XYLT1: variants seen among roughly 807,000 people sequenced by gnomAD.
The protein encoded by XYLT1 is beta-D-xylosyltransferase 1.
Under a neutral mutation model 91.3 loss-of-function variants are expected in XYLT1, and 36 were observed. The ratio of observed to expected loss-of-function variants is 0.39; its 90% CI spans 0.30 to 0.52. XYLT1 has a LOEUF of 0.52. Ranked by LOEUF, XYLT1 falls within the 20% of genes least tolerant of loss-of-function variation. The pLI, the probability that XYLT1 is intolerant of heterozygous loss-of-function variation, is 0.68. For synonymous variants in XYLT1, 588 were observed against 532.0 expected, an observed-to-expected ratio of 1.11 and a Z score of -1.45; for missense variants, 1,242 against 1,284.5, an observed-to-expected ratio of 0.97 and a Z score of 0.51.
chr16:17,327,354 C>CTTCTTTT (rs2034821389), intron 2 of XYLT1, among the ~76,000 whole-genome samples: 1 of 134,656 alleles, frequency 7.4e-6, no homozygotes, highest in African/African-American at 2.7e-5. Context: ...CTTTTCTTTT[C>CTTCTTTT]TTTTTTCTTT....
chr16:17,462,288 C>A (rs2036834126), intron 1 of XYLT1, among the ~76,000 whole-genome samples: 2 of 152,074 alleles, frequency 1.3e-5, no homozygotes, highest in Admixed American at 6.5e-5. Context: ...CACCCTCGTC[C>A]ACACACACAA....
rs539253096 is a variant in XYLT1, at chr16:17,246,271, C to A, written c.913+12717G>T. 2.6e-5 allele frequency among the ~76,000 whole-genome samples: 4 copies of A among 152,306 alleles called. No homozygotes were observed. In the South Asian group the frequency reaches 8.3e-4, roughly 32 times the overall value. ...AGGATAGCCCTTGGCATTTAACAAT[C>A]CCTACGTAGAGGTTAAGTGTTATTA... On this transcript the variant is annotated intron_variant, in intron 3 of 11. Transcript: ENST00000261381.
Position 17,324,264 on chromosome 16 carries a change from A to G in XYLT1, c.402+33748T>C, listed in dbSNP as rs555959663. Among the ~76,000 whole-genome samples the G allele has an allele frequency of 3.3e-5, 5 of 152,370 alleles. No homozygotes were observed. In the East Asian group the frequency reaches 7.7e-4, roughly 23 times the overall value. On this transcript the variant is annotated intron_variant, in intron 2 of 11. Transcript: ENST00000261381. The stretch of plus-strand genomic sequence containing the variant: ...AAATGGTAACGCTAGAGACAGGCTC[A>G]CTGGGAGCAGCAAGAAGGGACAGAA...
At position 17,145,784 on chromosome 16, in the gene XYLT1, C is replaced by T. The variant is rs111661010; in HGVS notation, c.1371-4415G>A. ...TGTGGGGAGGTTCTTAGGCTCCAGA[C>T]AGGGCAGGTAGCCAGGGCTGTGGCA... is the stretch of plus-strand genomic sequence containing the variant. On this transcript the variant is annotated intron_variant, in intron 6 of 11. Transcript: ENST00000261381. 5.2e-3 allele frequency among the ~76,000 whole-genome samples: 789 copies of T among 152,340 alleles called. 7 individuals carry two copies. The highest frequency in any genetic ancestry group is 0.018 in the African/African-American group (732 of 41,578).
At chr16:17,260,198 G>A (rs983686442) in intron 2 of XYLT1, among the ~76,000 whole-genome samples, 2 of 152,130 alleles carry the variant, frequency 1.3e-5, no homozygotes, top group African/African-American at 2.4e-5. Flanking sequence ...CAAAGATCAG[G>A]AGTCATTCTG....
chr16:17,225,545 C>T (rs1196486602), intron 3 of XYLT1, among the ~76,000 whole-genome samples: 14 of 152,016 alleles, frequency 9.2e-5, no homozygotes, highest in Admixed American at 9.2e-4. Flanking sequence ...CAGAAACTTG[C>T]CACCTGCGAG....
chr16:17,424,798 G>A (rs955895707), intron 1 of XYLT1, among the ~76,000 whole-genome samples: 2 of 150,532 alleles, frequency 1.3e-5, no homozygotes, highest in Non-Finnish European at 2.9e-5. Context: ...AACCCGGGAG[G>A]CAGAGGTTGC....
intron 3 of XYLT1, chr16:17,250,822 A>C (rs1218564163): frequency 6.6e-6 from 1 of 152,288 alleles, no homozygotes; most frequent in Non-Finnish European, 1.5e-5. Flanking sequence ...CACTTAGCCA[A>C]GCTGTTCCTG....
At position 17,142,734 on chromosome 16, in the gene XYLT1, C is replaced by T. The variant is rs530967408; in HGVS notation, c.1371-1365G>A. On this transcript the variant is annotated intron_variant, in intron 6 of 11. Transcript: ENST00000261381. ...CTGGGGTTATAGGTGTAAGCCATTG[C>T]GCCTGGCCTAACTCCTGAAATTTTG... Among the ~76,000 whole-genome samples the T allele has an allele frequency of 2.6e-4, 40 of 152,042 alleles. No homozygotes were observed. The South Asian group carries it at 3.5e-3, about 13-fold the overall frequency.
intron 1 of XYLT1, among the ~76,000 whole-genome samples, chr16:17,442,751 G>C (rs547446357): frequency 5.9e-5 from 9 of 152,304 alleles, no homozygotes; most frequent in East Asian, 5.8e-4. Context: ...CCCATCTCCT[G>C]AGCCCAGCTT....
intron 3 of XYLT1, among the ~76,000 whole-genome samples, chr16:17,247,059 A>G (rs960150925): frequency 6.6e-6 from 1 of 150,638 alleles, no homozygotes; most frequent in African/African-American, 2.4e-5. Flanking sequence ...AAGTAATTTG[A>G]GAGAGGAGAA....
chr16:17,265,783 A>C (rs1225933029), intron 2 of XYLT1, among the ~76,000 whole-genome samples: 1 of 151,128 alleles, frequency 6.6e-6, no homozygotes, highest in Non-Finnish European at 1.5e-5. Context: ...TTCAGGATGA[A>C]TCAATACTTA....
chr16:17,400,207 G>A (rs2035946074), intron 1 of XYLT1, among the ~76,000 whole-genome samples: 2 of 152,140 alleles, frequency 1.3e-5, no homozygotes, highest in Admixed American at 1.3e-4. Context: ...ACAAACAGTG[G>A]GTGCAGCTGA....
chr16:17,346,103 G>A lies in XYLT1; in HGVS notation c.402+11909C>T, dbSNP rs1596494311. Among the ~76,000 whole-genome samples, 5 of 152,284 alleles carry A rather than the reference G, an allele frequency of 3.3e-5. No homozygotes were observed. The South Asian group carries it at 1.0e-3, about 32-fold the overall frequency. On this transcript the variant is annotated intron_variant, in intron 2 of 11. Coordinates refer to ENST00000261381, the MANE Select transcript of XYLT1 (RefSeq NM_022166.4). The stretch of plus-strand genomic sequence containing the variant: ...TGGGATTACAGGCGTGAGCCACCGA[G>A]CCCGGCCTACTCTGACCATTTTTTA...
intron 2 of XYLT1, among the ~76,000 whole-genome samples, chr16:17,356,446 G>T (rs2035296613): frequency 6.6e-6 from 1 of 152,066 alleles, no homozygotes; most frequent in African/African-American, 2.4e-5. Flanking sequence ...GGGCCCCCGT[G>T]GCTATACCTG....
At chr16:17,159,702 A>T (rs563394997) in intron 5 of XYLT1, among the ~76,000 whole-genome samples, 1 of 152,266 alleles carries the variant, frequency 6.6e-6, no homozygotes, top group East Asian at 1.9e-4. Flanking sequence ...TTTAAAAAAT[A>T]TGAAGTCCAA....
At chr16:17,199,397 G>A (rs747812029) in intron 4 of XYLT1, among the ~76,000 whole-genome samples, 1 of 152,194 alleles carries the variant, frequency 6.6e-6, no homozygotes, top group Non-Finnish European at 1.5e-5. Flanking sequence ...TTTAGCACAA[G>A]GGCAGTGCTG....
intron 5 of XYLT1, among the ~76,000 whole-genome samples, chr16:17,195,849 G>A (rs1056242383): frequency 6.6e-5 from 10 of 152,208 alleles, no homozygotes; most frequent in Non-Finnish European, 1.5e-4. Context: ...ATGAGCAGAG[G>A]AGAAGTACAG....
chr16:17,138,517 C>G lies in XYLT1; in HGVS notation c.1602G>C (p.Thr534=). The change falls in exon 8 of 12, where the codon ACG becomes ACC. Residue 534 remains threonine, a synonymous_variant. Transcript: ENST00000261381. Reference sequence around the variant, plus strand: ...CGCAGTGGGGGCTGTTCTCCAGGACCGTATGGAAGAAGGACTGCAGGGGAG... The same window carrying G: ...CGCAGTGGGGGCTGTTCTCCAGGACGGTATGGAAGAAGGACTGCAGGGGAG... ...TLLPAESFFH[T]VLENSPHCDT... 1 of 1,613,168 alleles carries G rather than the reference C, an allele frequency of 6.2e-7. No homozygotes were observed. Among genetic ancestry groups the G allele is most frequent in the Non-Finnish European group, 8.5e-7 (1 of 1,179,940 alleles).
Sources: gnomAD v4.1 joint callset for allele counts (sites outside exome capture counted in the v4.1 genomes callset) on GRCh38, gnomAD v4.1.1 for gene constraint, MANE v1.5 for transcripts, NCBI Gene and HGNC (gene_info 2026-07-23, HGNC 2026-07-21) for gene names.